Variants in KRT9 observed in about 807,000 individuals in gnomAD.
KRT9 encodes the protein keratin 9.
In KRT9, 34 loss-of-function variants were observed where a neutral mutation model predicts 51.4. The ratio of observed to expected loss-of-function variants is 0.66; its 90% CI spans 0.50 to 0.88. The LOEUF is 0.88. Among genes scored for constraint, KRT9 ranks in the 40% least tolerant of loss-of-function variants. KRT9 has a pLI of 0.00. For missense variants in KRT9, 753 were observed against 790.3 expected, an observed-to-expected ratio of 0.95 and a Z score of 0.57; for synonymous variants, 292 against 289.7, an observed-to-expected ratio of 1.01 and a Z score of -0.08.
intron 4 of KRT9, 68 bp downstream of exon 4, chr17:41,569,358 A>G: frequency 6.9e-7 from 1 of 1,452,834 alleles, no homozygotes; most frequent in African/African-American, 1.4e-5. Flanking sequence ...AAGGAATGGG[A>G]GGTGGGAGGG....
intron 7 of KRT9, among the ~76,000 whole-genome samples, chr17:41,566,712 A>G (rs1906886714): frequency 6.6e-6 from 1 of 152,194 alleles, no homozygotes; most frequent in Admixed American, 6.5e-5. Flanking sequence ...TTACATTTAG[A>G]TTATGTTCAT....
intron 4 of KRT9, 92 bp from the exon 5 acceptor site, chr17:41,568,725 G>A (rs1906966919): frequency 3.9e-6 from 6 of 1,527,444 alleles, no homozygotes; most frequent in South Asian, 3.4e-5. Flanking sequence ...TCACCTCCAG[G>A]GCCAAGGCTG....
chr17:41,567,249 G>A lies in KRT9; in HGVS notation c.*24C>T, dbSNP rs1005459656. ...GTCCCTTACCTTTTGTCTCATCTTG[G>A]TCACCAGATTTTGAGGAAGAAGACT... On this transcript the variant is annotated 3_prime_UTR_variant, in exon 7 of 8. Transcript: ENST00000246662. The A allele has an allele frequency of 3.1e-6, 5 of 1,613,676 alleles. No individual in the cohort carries two copies. Among genetic ancestry groups the A allele is most frequent in the Admixed American group, 1.7e-5 (1 of 59,974 alleles).
chr17:41,571,954 G>A lies in KRT9; in HGVS notation c.39C>T (p.Arg13=). 6.3e-7 allele frequency: 1 copy of A among 1,585,700 alleles called. No individual in the cohort carries two copies. Among genetic ancestry groups the A allele is most frequent in the South Asian group, 1.1e-5 (1 of 87,506 alleles). The stretch of plus-strand genomic sequence containing the variant: ...GGCCGCCCCCGCCACCCCCGCCGCT[G>A]CGGCTCAAGTAGGACGAGGAGAACT... ...CRQFSSSYLS[R]SGGGGGGGLG... Residue 13 remains arginine, a synonymous_variant, in exon 1 of 8, where the codon CGC becomes CGT. Coordinates refer to ENST00000246662, the MANE Select transcript of KRT9 (RefSeq NM_000226.4).
Position 41,567,248 on chromosome 17 carries a change from G to C in KRT9, c.*25C>G, listed in dbSNP as rs886550309. The C allele has an allele frequency of 6.2e-7, 1 of 1,613,570 alleles. No individual in the cohort carries two copies. The highest frequency in any genetic ancestry group is 8.5e-7 in the Non-Finnish European group (1 of 1,179,958). ...TGTCCCTTACCTTTTGTCTCATCTTGGTCACCAGATTTTGAGGAAGAAGAC... is the reference window on the plus strand; with the variant it reads ...TGTCCCTTACCTTTTGTCTCATCTTCGTCACCAGATTTTGAGGAAGAAGAC... On this transcript the variant is annotated 3_prime_UTR_variant, in exon 7 of 8. Transcript: ENST00000246662.
At chr17:41,570,089 T>G in intron 2 of KRT9, 49 bp downstream of exon 2, 1 of 1,611,324 alleles carries the variant, frequency 6.2e-7, no homozygotes, top group Non-Finnish European at 8.5e-7. Context: ...GCACTGAGGT[T>G]CAGGGGTAAG....
At chr17:41,569,651 T>G in intron 3 of KRT9, 64 bp from the exon 4 acceptor site, 3 of 1,585,420 alleles carry the variant, frequency 1.9e-6, no homozygotes, top group African/African-American at 1.3e-5. Flanking sequence ...TTCAGAATTC[T>G]CCCTCTGGTC....
Position 41,569,466 on chromosome 17 carries a change from G to A in KRT9, c.1004C>T (p.Ala335Val), listed in dbSNP as rs568406203. Residue 335 changes from alanine to valine, a missense_variant, in exon 4 of 8, where the codon GCT (alanine) becomes GTT (valine). This residue lies in a region of KRT9 where 507 missense variants were observed against 563.7 expected (regional missense o/e 0.90). Coordinates refer to ENST00000246662, the MANE Select transcript of KRT9 (RefSeq NM_000226.4). ...DMRQEYEQLI[A>V]KNRKDIENQY... ...ATTCTCGATGTCCTTTCTGTTCTTA[G>A]CAATGAGCTGCTCATACTCCTGACG... The A allele has an allele frequency of 6.2e-7, 1 of 1,614,154 alleles. No homozygotes were observed. Among genetic ancestry groups the A allele is most frequent in the South Asian group, 1.1e-5 (1 of 91,072 alleles).
chr17:41,568,517 C>G lies in KRT9; in HGVS notation c.1161G>C (p.Gln387His). Reference protein sequence around the residue: ...VQELEIELQSQLSKKAALEKS... With the variant: ...VQELEIELQSHLSKKAALEKS... Reference sequence around the variant, plus strand: ...TAGCAGAACTACCAACCTTGCTGAGCTGAGACTGCAGCTCAATCTCCAACT... The same window carrying G: ...TAGCAGAACTACCAACCTTGCTGAGGTGAGACTGCAGCTCAATCTCCAACT... The change falls in exon 5 of 8, where the codon CAG (glutamine) becomes CAC (histidine). Residue 387 changes from glutamine to histidine, a missense_variant. Transcript: ENST00000246662. 1 of 1,614,202 alleles carries G rather than the reference C, an allele frequency of 6.2e-7. No individual in the cohort carries two copies. The highest frequency in any genetic ancestry group is 8.5e-7 in the Non-Finnish European group (1 of 1,180,034).
At chr17:41,570,243 A>C in intron 1 of KRT9, 23 bp from the exon 2 acceptor site, 1 of 1,602,800 alleles carries the variant, frequency 6.2e-7, no homozygotes, top group Non-Finnish European at 8.5e-7. Flanking sequence ...GGACACAGCC[A>C]TGATATCATG....
At chr17:41,568,435 T>C (rs1235665224) in intron 5 of KRT9, 50 bp from the exon 6 acceptor site, 13 of 1,613,818 alleles carry the variant, frequency 8.1e-6, no homozygotes, top group Non-Finnish European at 1.1e-5. Context: ...ATAACTCCTC[T>C]TCTTCCCACT....
rs1907077686 is a variant in KRT9 at position 41,571,526 on chromosome 17, G to T, written c.467C>A (p.Thr156Asn). 1 of 1,613,622 alleles carries T rather than the reference G, an allele frequency of 6.2e-7. No homozygotes were observed. The highest frequency in any genetic ancestry group is 8.5e-7 in the Non-Finnish European group (1 of 1,179,950). ...GGILTANEKS[T>N]MQELNSRLAS... ...CAGCCGAGAATTGAGTTCCTGCATG[G>T]TGCTCTTCTCATTAGCAGTCAGAAT... Residue 156 changes from threonine (T) to asparagine (N), a missense_variant, in exon 1 of 8, where the codon ACC becomes AAC. Coordinates refer to ENST00000246662, the MANE Select transcript of KRT9 (RefSeq NM_000226.4).
chr17:41,569,467 C>T lies in KRT9; in HGVS notation c.1003G>A (p.Ala335Thr). 6.2e-7 allele frequency: 1 copy of T among 1,614,130 alleles called. No individual in the cohort carries two copies. Among genetic ancestry groups the T allele is most frequent in the South Asian group, 1.1e-5 (1 of 91,074 alleles). The change falls in exon 4 of 8, where the codon GCT (alanine) becomes ACT (threonine). Residue 335 changes from alanine to threonine, a missense_variant. By Grantham distance (58) the Ala-to-Thr change is moderately conservative (BLOSUM62 0). This residue lies in a region of KRT9 where 507 missense variants were observed against 563.7 expected (regional missense o/e 0.90). Coordinates refer to ENST00000246662, the MANE Select transcript of KRT9 (RefSeq NM_000226.4). ...DMRQEYEQLI[A>T]KNRKDIENQY... ...TTCTCGATGTCCTTTCTGTTCTTAG[C>T]AATGAGCTGCTCATACTCCTGACGC...
intron 4 of KRT9, 112 bp downstream of exon 4, chr17:41,569,314 C>T: frequency 9.5e-7 from 1 of 1,055,740 alleles, no homozygotes; most frequent in African/African-American, 1.6e-5. Context: ...GGATAAATGA[C>T]AGCTGCACTG....
chr17:41,569,800 C>T, intron 3 of KRT9, 59 bp downstream of exon 3: 4 of 1,601,928 alleles, frequency 2.5e-6, no homozygotes, highest in Non-Finnish European at 2.6e-6. Flanking sequence ...AGCTCCCCTG[C>T]TGTCTCTGCA....
At position 41,567,172 on chromosome 17, in the gene KRT9, T is replaced by G. The variant is rs527490852; in HGVS notation, c.*40+61A>C. ...GTGTTCCCCAGAGATTCAAAAATAC[T>G]CAAAAAAAAAAAAAGGTGAGACCTT... On this transcript the variant is annotated intron_variant, in intron 7 of 7. Coordinates refer to ENST00000246662, the MANE Select transcript of KRT9 (RefSeq NM_000226.4). 5.6e-6 allele frequency: 8 copies of G among 1,434,950 alleles called. No homozygotes were observed. In the African/African-American group the frequency reaches 1.4e-4, roughly 25 times the overall value. The allele number at this position is 1,434,950 out of a possible 1,614,324, so 88.9% of individuals were successfully genotyped here.
Position 41,571,980 on chromosome 17 carries a change from G to C in KRT9, c.13C>G (p.Gln5Glu), listed in dbSNP as rs1186331728. MSCR[Q>E]FSSSYLSRSG... ...CGGCTCAAGTAGGACGAGGAGAACT[G>C]TCTGCAGCTCATGACACAGCTGGTA... The change falls in exon 1 of 8, where the codon CAG (glutamine) becomes GAG (glutamate). Residue 5 changes from glutamine to glutamate, a missense_variant. Physicochemically the swap from Gln to Glu is conservative, Grantham distance 29. Around this residue, in one of 3 missense-constraint regions of KRT9, gnomAD observed 241 missense variants for 210.3 expected, o/e 1.15. Transcript: ENST00000246662. 3 of 1,583,114 alleles carry C rather than the reference G, an allele frequency of 1.9e-6. No individual in the cohort carries two copies. Among genetic ancestry groups the C allele is most frequent in the Non-Finnish European group, 8.6e-7 (1 of 1,166,692 alleles).
chr17:41,568,965 C>T (rs1015920788), intron 4 of KRT9, among the ~76,000 whole-genome samples: 4 of 148,640 alleles, frequency 2.7e-5, no homozygotes, highest in African/African-American at 9.9e-5. Flanking sequence ...CAGCACAGAC[C>T]ATGCCTTCAT....
chr17:41,566,198 A>T (rs1467914760), intron 7 of KRT9, 46 bp from the exon 8 acceptor site: 3 of 153,202 alleles, frequency 2.0e-5, no homozygotes, highest in Non-Finnish European at 2.9e-5. Flanking sequence ...GGAGGACTGT[A>T]AGCAGGAGCA....
Sources: allele counts gnomAD v4.1 joint callset (sites outside exome capture counted in the v4.1 genomes callset), GRCh38; gene constraint gnomAD v4.1.1; regional missense constraint gnomAD v4.1.1; transcripts MANE v1.5; gene names NCBI Gene and HGNC (gene_info 2026-07-23, HGNC 2026-07-21).